Variants in MAML2 observed in about 807,000 individuals in gnomAD.
MAML2 encodes mastermind-like protein 2.
MAML2 carries 22 observed loss-of-function variants against 96.1 expected under a neutral mutation model. That is an observed-to-expected ratio of 0.23 (90% CI 0.16 to 0.33). The LOEUF (loss-of-function observed/expected upper bound fraction) is 0.33, where lower values mean the gene tolerates loss of function less well. MAML2 is among the 10% of genes least tolerant of loss of function. The pLI is 1.00. For missense variants in MAML2, 1,367 were observed against 1,392.4 expected (o/e 0.98, Z 0.29); for synonymous variants, 561 against 521.3 (o/e 1.08, Z -1.04).
At chr11:96,054,139 A>G (rs889055288) in intron 2 of MAML2, among the ~76,000 whole-genome samples, 3 of 152,126 alleles carry the variant, frequency 2.0e-5, no homozygotes, top group Admixed American at 6.5e-5. Flanking sequence ...TGGAATTTTA[A>G]AGGTTCTTAT....
intron 1 of MAML2, among the ~76,000 whole-genome samples, chr11:96,213,948 T>C (rs1417898282): frequency 6.6e-6 from 1 of 152,180 alleles, no homozygotes; most frequent in African/African-American, 2.4e-5. Flanking sequence ...ATTTGAGAGC[T>C]TGCAAAGAAA....
intron 1 of MAML2, among the ~76,000 whole-genome samples, chr11:96,262,906 T>C (rs534137947): frequency 5.3e-5 from 8 of 152,366 alleles, no homozygotes; most frequent in Admixed American, 3.3e-4. Flanking sequence ...CATCCATTAA[T>C]AAAATCAAAG....
intron 4 of MAML2, among the ~76,000 whole-genome samples, chr11:95,980,881 C>T (rs746798415): frequency 2.1e-4 from 32 of 152,218 alleles, no homozygotes; most frequent in Admixed American, 3.3e-4. Flanking sequence ...GTCTCCCCCA[C>T]GCCTTCAAAC....
chr11:96,155,135 A>G (rs1244213552), intron 1 of MAML2, among the ~76,000 whole-genome samples: 2 of 152,172 alleles, frequency 1.3e-5, no homozygotes, highest in Non-Finnish European at 2.9e-5. Context: ...GCCAAGCTCC[A>G]TCTTCCACCT....
intron 2 of MAML2, among the ~76,000 whole-genome samples, chr11:96,021,292 T>C (rs1001903543): frequency 1.1e-4 from 17 of 152,318 alleles, no homozygotes; most frequent in African/African-American, 4.1e-4. Context: ...ATGGCCTTAC[T>C]CACAGCAGTG....
chr11:96,225,116 G>A (rs1272235935), intron 1 of MAML2, among the ~76,000 whole-genome samples: 3 of 152,122 alleles, frequency 2.0e-5, no homozygotes, highest in African/African-American at 7.2e-5. Flanking sequence ...TTTCAGAAAA[G>A]GTGAAAACTA....
At chr11:95,988,770 A>G (rs957595298) in intron 3 of MAML2, among the ~76,000 whole-genome samples, 8 of 152,088 alleles carry the variant, frequency 5.3e-5, no homozygotes, top group Admixed American at 6.6e-5. Flanking sequence ...TACATTTTGC[A>G]AAAGACTGAC....
intron 2 of MAML2, among the ~76,000 whole-genome samples, chr11:96,024,341 C>T (rs940274216): frequency 2.0e-5 from 3 of 152,226 alleles, no homozygotes; most frequent in African/African-American, 7.2e-5. Context: ...CAATTTCCCT[C>T]TATACAAACT....
rs1186826286 is a variant in MAML2 at position 96,291,956 on chromosome 11, G to A, written c.513+49427C>T. 2.6e-5 allele frequency among the ~76,000 whole-genome samples: 4 copies of A among 152,212 alleles called. No individual in the cohort carries two copies. In the South Asian group the frequency reaches 6.2e-4, roughly 24 times the overall value. On this transcript the variant is annotated intron_variant, in intron 1 of 4. Transcript: ENST00000524717. ...TGTTCCACAGGAATATCTTTATGCA[G>A]CATGTGAGTCTCCATTTGAACAATC...
chr11:96,006,552 C>CTTTTTT (rs61447709), intron 2 of MAML2, among the ~76,000 whole-genome samples: 1 of 144,764 alleles, frequency 6.9e-6, no homozygotes, highest in Admixed American at 6.9e-5. Context: ...ATTGGAGTAT[C>CTTTTTT]TTTTTTTTTT....
chr11:96,084,302 T>A (rs1859573024), intron 2 of MAML2, among the ~76,000 whole-genome samples: 2 of 152,170 alleles, frequency 1.3e-5, no homozygotes, highest in Non-Finnish European at 2.9e-5. Context: ...TTAAAGGTTT[T>A]ATGCAGGTGA....
At chr11:96,094,417 T>A (rs1859789929) in intron 1 of MAML2, among the ~76,000 whole-genome samples, 1 of 152,224 alleles carries the variant, frequency 6.6e-6, no homozygotes, top group African/African-American at 2.4e-5. Context: ...AGGGATGAGA[T>A]AATGCATATA....
rs139124587 is a variant in MAML2, at chr11:96,125,803, T to C, written c.514-32286A>G. On this transcript the variant is annotated intron_variant, in intron 1 of 4. Coordinates refer to ENST00000524717, the MANE Select transcript of MAML2 (RefSeq NM_032427.4). ...CCAGAAAGGCTTTTTTTGTACAGCA[T>C]TAGACCCAGCAATAATATGAATTTG... 2.0e-3 allele frequency among the ~76,000 whole-genome samples: 311 copies of C among 152,330 alleles called. 4 individuals carry two copies. Among genetic ancestry groups the C allele is most frequent in the South Asian group, 8.9e-3 (43 of 4,824 alleles).
chr11:96,226,659 T>C (rs1862213504), intron 1 of MAML2, among the ~76,000 whole-genome samples: 1 of 152,228 alleles, frequency 6.6e-6, no homozygotes, highest in Non-Finnish European at 1.5e-5. Flanking sequence ...CTAGCTCATA[T>C]TATATATAAA....
intron 2 of MAML2, among the ~76,000 whole-genome samples, chr11:96,067,810 A>G (rs566520197): frequency 2.6e-5 from 4 of 152,328 alleles, no homozygotes; most frequent in African/African-American, 4.8e-5. Flanking sequence ...TATTACTTAT[A>G]CATTCCCAAA....
At chr11:96,010,823 A>G (rs1454719352) in intron 2 of MAML2, among the ~76,000 whole-genome samples, 3 of 152,236 alleles carry the variant, frequency 2.0e-5, no homozygotes, top group Non-Finnish European at 4.4e-5. Context: ...TAGTTGTTCT[A>G]TATTAGTACT....
intron 2 of MAML2, among the ~76,000 whole-genome samples, chr11:96,027,320 T>C (rs923345033): frequency 1.3e-4 from 20 of 152,238 alleles, no homozygotes; most frequent in African/African-American, 4.8e-4. Flanking sequence ...AAGTATATGC[T>C]ATTATAATCC....
intron 1 of MAML2, among the ~76,000 whole-genome samples, chr11:96,244,736 G>A (rs928647477): frequency 3.9e-5 from 6 of 152,108 alleles, no homozygotes; most frequent in African/African-American, 1.4e-4. Flanking sequence ...TAACAAAGCT[G>A]TGACTTGAAC....
chr11:96,338,649 A>C (rs1053171072), intron 1 of MAML2, among the ~76,000 whole-genome samples: 2 of 151,944 alleles, frequency 1.3e-5, no homozygotes, highest in African/African-American at 2.4e-5. Flanking sequence ...ATCTGAGGAC[A>C]CAGCACATCT....
Sources: allele counts gnomAD v4.1 joint callset (sites outside exome capture counted in the v4.1 genomes callset), GRCh38; gene constraint gnomAD v4.1.1; transcripts MANE v1.5; gene names NCBI Gene and HGNC (gene_info 2026-07-23, HGNC 2026-07-21).